Variants in ICE2 observed in about 807,000 individuals in gnomAD.
The protein encoded by ICE2 is interactor of little elongation complex ELL subunit 2.
In ICE2, 87 loss-of-function variants were observed where a neutral mutation model predicts 105.4. That is an observed-to-expected ratio of 0.83 (90% CI 0.69 to 0.99). The LOEUF (loss-of-function observed/expected upper bound fraction) is 0.99, where lower values mean the gene tolerates loss of function less well. Among genes scored for constraint, ICE2 ranks in the 50% least tolerant of loss-of-function variants. The pLI is 0.00. For missense variants in ICE2, 1,323 were observed against 1,146.7 expected, an observed-to-expected ratio of 1.15 and a Z score of -2.22; for synonymous variants, 399 against 392.0, an observed-to-expected ratio of 1.02 and a Z score of -0.21.
intron 14 of ICE2, 69 bp from the exon 15 acceptor site, chr15:60,428,756 T>A: frequency 6.6e-7 from 1 of 1,508,808 alleles, no homozygotes; most frequent in Non-Finnish European, 9.0e-7. Context: ...TTCTTAATCA[T>A]AATCTATTAG....
At chr15:60,423,867 G>T in intron 15 of ICE2, 105 bp from the exon 16 acceptor site, 2 of 1,033,522 alleles carry the variant, frequency 1.9e-6, no homozygotes, top group Non-Finnish European at 2.6e-6. Context: ...TTGCAAATAA[G>T]CTCTTATATA....
At chr15:60,459,307 G>C (rs2064210287) in intron 5 of ICE2, among the ~76,000 whole-genome samples, 1 of 152,090 alleles carries the variant, frequency 6.6e-6, no homozygotes, top group South Asian at 2.1e-4. Flanking sequence ...AGCCCTAAAA[G>C]AAATGACAAT....
intron 9 of ICE2, 26 bp from the exon 10 acceptor site, chr15:60,449,867 T>G: frequency 1.3e-6 from 2 of 1,555,832 alleles, no homozygotes; most frequent in Non-Finnish European, 1.7e-6. Context: ...TGGTAAAGTA[T>G]TAGTAAAAAT....
intron 11 of ICE2, among the ~76,000 whole-genome samples, chr15:60,445,248 T>C: frequency 6.6e-6 from 1 of 152,372 alleles, no homozygotes; most frequent in East Asian, 1.9e-4. Context: ...ATGGGGGATG[T>C]AATTTTGCTG....
chr15:60,436,853 T>C (rs1391043352), intron 12 of ICE2, among the ~76,000 whole-genome samples: 1 of 152,138 alleles, frequency 6.6e-6, no homozygotes, highest in African/African-American at 2.4e-5. Context: ...TTGAATTATG[T>C]TGATAATTAT....
At chr15:60,469,338 A>G (rs955634161) in intron 3 of ICE2, among the ~76,000 whole-genome samples, 1 of 152,158 alleles carries the variant, frequency 6.6e-6, no homozygotes, top group Admixed American at 6.5e-5. Flanking sequence ...TAGCTAATGC[A>G]TGCTGGGCTT....
intron 9 of ICE2, chr15:60,453,226 C>A (rs988761229): frequency 4.0e-5 from 40 of 1,005,148 alleles, no homozygotes; most frequent in Non-Finnish European, 4.7e-5. Flanking sequence ...GGTGAGGTTC[C>A]ATCTCAAAAA....
At chr15:60,433,031 G>C (rs1301488276) in intron 13 of ICE2, among the ~76,000 whole-genome samples, 2 of 152,016 alleles carry the variant, frequency 1.3e-5, no homozygotes, top group African/African-American at 4.8e-5. Flanking sequence ...TTAAACCTGT[G>C]ATGACAGAGA....
intron 14 of ICE2, 50 bp from the exon 15 acceptor site, chr15:60,428,737 A>C (rs2063391755): frequency 4.4e-6 from 7 of 1,576,122 alleles, no homozygotes; most frequent in African/African-American, 1.4e-5. Flanking sequence ...TGTCAATTTC[A>C]ACATCACTTT....
intron 15 of ICE2, 42 bp from the exon 16 acceptor site, chr15:60,423,804 C>T: frequency 6.6e-7 from 1 of 1,512,972 alleles, no homozygotes; most frequent in Non-Finnish European, 8.8e-7. Context: ...AATGTATCTA[C>T]AACATACCTA....
intron 11 of ICE2, among the ~76,000 whole-genome samples, chr15:60,446,896 A>G (rs1194054877): frequency 7.9e-5 from 12 of 152,178 alleles, no homozygotes; most frequent in Admixed American, 7.9e-4. Flanking sequence ...TACTGTGACA[A>G]ATACATACAA....
At chr15:60,437,374 G>A (rs972837381) in intron 12 of ICE2, among the ~76,000 whole-genome samples, 1 of 150,792 alleles carries the variant, frequency 6.6e-6, no homozygotes, top group Non-Finnish European at 1.5e-5. Flanking sequence ...CGCTCTTGTT[G>A]CCCAGGCTGG....
rs1306259002 is a variant in ICE2, at chr15:60,422,350, C to T, written c.*1284G>A. On this transcript the variant is annotated 3_prime_UTR_variant, in exon 16 of 16. Transcript: ENST00000261520. ...TGTGTTGCCCAGACTGGTCTCCAAC[C>T]CCTGGACTCAAGTGATTCTCCCGCC... The T allele has an allele frequency of 6.6e-6, 1 of 151,998 alleles. No individual in the cohort carries two copies. The highest frequency in any genetic ancestry group is 2.4e-5 in the African/African-American group (1 of 41,336). The allele number at this position is 151,998 out of a possible 1,614,324, so 9.4% of individuals were successfully genotyped here. A position where few individuals can be genotyped will look rare whatever the true frequency, so the allele number is the denominator to read the frequency against.
At chr15:60,431,814 T>C (rs116279477) in intron 14 of ICE2, 120 bp downstream of exon 14, 119 of 549,042 alleles carry the variant, frequency 2.2e-4, no homozygotes, top group African/African-American at 2.1e-3. Flanking sequence ...TTTGACATAA[T>C]AATTTTTGCA....
At chr15:60,465,367 T>C (rs1238899705) in intron 5 of ICE2, among the ~76,000 whole-genome samples, 1 of 152,190 alleles carries the variant, frequency 6.6e-6, no homozygotes, top group African/African-American at 2.4e-5. Context: ...CAGATAATTC[T>C]TTTTGTATAG....
chr15:60,448,705 G>A, intron 10 of ICE2, 143 bp downstream of exon 10: 1 of 733,790 alleles, frequency 1.4e-6, no homozygotes, highest in Non-Finnish European at 2.2e-6. Context: ...CTGAAATACT[G>A]ATCAATAGAT....
chr15:60,448,168 T>C (rs1455766022), intron 10 of ICE2, 23 bp from the exon 11 acceptor site: 1 of 1,506,976 alleles, frequency 6.6e-7, no homozygotes, highest in South Asian at 1.2e-5. Context: ...TATTTCTCAT[T>C]TTTAAAATAC....
rs557011239 is a variant in ICE2 at position 60,420,424 on chromosome 15, C to T, written c.*3210G>A. On this transcript the variant is annotated 3_prime_UTR_variant, in exon 16 of 16. Transcript: ENST00000261520. ...GCTCCCAACATTTCTTCTTTCGCTT[C>T]CCAGCTCCATCGCATTCTCTAGACT... 1 of 152,314 alleles carries T rather than the reference C, an allele frequency of 6.6e-6. No homozygotes were observed. The highest frequency in any genetic ancestry group is 1.9e-4 in the East Asian group (1 of 5,186). The allele number at this position is 152,314 out of a possible 1,614,324, so 9.4% of individuals were successfully genotyped here.
Position 60,448,638 on chromosome 15 carries a change from C to A in ICE2, c.2119+210G>T, listed in dbSNP as rs576561414. On this transcript the variant is annotated intron_variant, in intron 10 of 15. Transcript: ENST00000261520. ...AGTCACTGTACATGTTAGATAAACA[C>A]AAGCTGCAAGACCCATACGCCTTTG... 7.2e-5 allele frequency among the ~76,000 whole-genome samples: 11 copies of A among 152,240 alleles called. 1 individual carries two copies. The South Asian group carries it at 2.3e-3, about 32-fold the overall frequency.
Sources: allele counts gnomAD v4.1 joint callset (sites outside exome capture counted in the v4.1 genomes callset), GRCh38; gene constraint gnomAD v4.1.1; transcripts MANE v1.5; gene names NCBI Gene and HGNC (gene_info 2026-07-23, HGNC 2026-07-21).